ACIN1: variants seen among roughly 807,000 people sequenced by gnomAD.
ACIN1 encodes the protein apoptotic chromatin condensation inducer in the nucleus.
In ACIN1, 16 loss-of-function variants were observed where a neutral mutation model predicts 146.6. The observed-to-expected ratio is 0.11, with a 90% confidence interval of 0.07 to 0.17. The LOEUF is 0.17. Among genes scored for constraint, ACIN1 ranks in the 10% least tolerant of loss-of-function variants. The pLI, the probability that ACIN1 is intolerant of heterozygous loss-of-function variation, is 1.00. For synonymous variants in ACIN1, 569 were observed against 582.7 expected (o/e 0.98, Z 0.34); for missense variants, 1,357 against 1,609.3 (o/e 0.84, Z 2.68).
At chr14:23,065,420 T>C (rs1249957686) in intron 10 of ACIN1, among the ~76,000 whole-genome samples, 4 of 152,300 alleles carry the variant, frequency 2.6e-5, no homozygotes, top group South Asian at 4.1e-4. Flanking sequence ...ACCCCATCTC[T>C]ACTAAAAATA....
At chr14:23,094,661 T>C (rs369268696) in intron 1 of ACIN1, 1 of 779,482 alleles carries the variant, frequency 1.3e-6, no homozygotes, top group Non-Finnish European at 1.8e-6. Context: ...TTTAACTCCT[T>C]CTGCAGCGCA....
intron 8 of ACIN1, among the ~76,000 whole-genome samples, chr14:23,070,383 G>A (rs181899348): frequency 2.6e-5 from 4 of 152,010 alleles, no homozygotes; most frequent in Non-Finnish European, 5.9e-5. Context: ...CCTACATTCG[G>A]CTTTCACCCA....
At chr14:23,063,688 G>T (rs148719036) in intron 12 of ACIN1, 111 bp from the exon 13 acceptor site, 2 of 1,264,650 alleles carry the variant, frequency 1.6e-6, no homozygotes, top group Admixed American at 2.1e-5. Flanking sequence ...TGTTCCTTCC[G>T]CTAGGGGTAT....
At chr14:23,060,049 G>C (rs1594736305) in intron 18 of ACIN1, among the ~76,000 whole-genome samples, 1 of 146,188 alleles carries the variant, frequency 6.8e-6, no homozygotes, top group South Asian at 2.2e-4. Flanking sequence ...TCTCCGACTC[G>C]CAGGTTCAAG....
At position 23,080,124 on chromosome 14, in the gene ACIN1, CTGG is replaced by C; in HGVS notation, c.1208_1210del (p.Thr403del). The C allele has an allele frequency of 6.2e-7, 1 of 1,614,156 alleles. No homozygotes were observed. Among genetic ancestry groups the C allele is most frequent in the Non-Finnish European group, 8.5e-7 (1 of 1,180,028 alleles). On this transcript the variant is annotated inframe_deletion, in exon 6 of 19. Coordinates refer to ENST00000605057, the MANE Select transcript of ACIN1 (RefSeq NM_001386863.1). ...AGTATGCTGAGATACTAATAGCTCC[CTGG>C]TGTCAGCATCTGTATTAGGAGGAGA...
rs2047849592 is a variant in ACIN1, at chr14:23,078,204, G to A, written c.2070C>T (p.Thr690=). 6.2e-7 allele frequency: 1 copy of A among 1,614,164 alleles called. No individual in the cohort carries two copies. Among genetic ancestry groups the A allele is most frequent in the African/African-American group, 1.3e-5 (1 of 75,032 alleles). ...GCAGATGAGAGGTCTGAGTCTCTGA[G>A]GTTTGGGGCTGTGTGGCAGCTGGTG... The part of the protein sequence containing the change: ...AEPPAATQPQ[T]SETQTSHLPE... The change falls in exon 8 of 19, where the codon ACC becomes ACT. Residue 690 remains threonine, a synonymous_variant. Coordinates refer to ENST00000605057, the MANE Select transcript of ACIN1 (RefSeq NM_001386863.1).
At chr14:23,064,609 T>C in intron 10 of ACIN1, 121 bp from the exon 11 acceptor site, 1 of 1,395,330 alleles carries the variant, frequency 7.2e-7, no homozygotes, top group South Asian at 1.3e-5. Flanking sequence ...AAAGAAATCA[T>C]ATTTGGAGGC....
At chr14:23,059,547 T>C (rs1247537479) in intron 18 of ACIN1, 73 bp from the exon 19 acceptor site, 2 of 1,225,268 alleles carry the variant, frequency 1.6e-6, no homozygotes, top group African/African-American at 1.5e-5. Flanking sequence ...GCCTGGACCC[T>C]GCCTCCTAGC....
At chr14:23,077,219 G>C (rs74036909) in intron 8 of ACIN1, among the ~76,000 whole-genome samples, 1,649 of 152,306 alleles carry the variant, frequency 0.011, 23 homozygotes, top group African/African-American at 0.038. Context: ...GAAGCTCTCA[G>C]AAGAGTATAA....
At chr14:23,061,010 C>T in intron 18 of ACIN1, 74 bp downstream of exon 18, 1 of 1,416,468 alleles carries the variant, frequency 7.1e-7, no homozygotes, top group East Asian at 2.3e-5. Flanking sequence ...CTCTCGCAGT[C>T]ACATGAATCT....
In ACIN1 at chr14:23,077,364, G is replaced by A. The variant is rs193093578; in HGVS notation, c.2123+787C>T. 3.9e-5 allele frequency among the ~76,000 whole-genome samples: 6 copies of A among 152,326 alleles called. 1 individual carries two copies. In the East Asian group the frequency reaches 1.2e-3, roughly 29 times the overall value. On this transcript the variant is annotated intron_variant, in intron 8 of 18. Coordinates refer to ENST00000605057, the MANE Select transcript of ACIN1 (RefSeq NM_001386863.1). ...TACAAAGCAGTTCAGGGTTCCTGAT[G>A]TCTAAAAGCTACGCAATCTTATTCC... is the stretch of plus-strand genomic sequence containing the variant.
chr14:23,073,884 G>A (rs962001244), intron 8 of ACIN1, among the ~76,000 whole-genome samples: 3 of 149,314 alleles, frequency 2.0e-5, no homozygotes, highest in Non-Finnish European at 3.0e-5. Context: ...TGTTGCCCAG[G>A]CTGGAGTGCA....
At chr14:23,059,624 A>G in intron 18 of ACIN1, 150 bp from the exon 19 acceptor site, 1 of 643,104 alleles carries the variant, frequency 1.6e-6, no homozygotes, top group Non-Finnish European at 2.8e-6. Flanking sequence ...TGTCTTTCTT[A>G]GAGCACCTCT....
At chr14:23,086,069 A>T (rs2048083621) in intron 4 of ACIN1, among the ~76,000 whole-genome samples, 1 of 152,250 alleles carries the variant, frequency 6.6e-6, no homozygotes, top group African/African-American at 2.4e-5. Flanking sequence ...AGGAAGCCAG[A>T]GATCGAAGAA....
chr14:23,076,790 C>G (rs2047813269), intron 8 of ACIN1, among the ~76,000 whole-genome samples: 1 of 152,132 alleles, frequency 6.6e-6, no homozygotes, highest in South Asian at 2.1e-4. Flanking sequence ...AGGAGGGGGG[C>G]AGGTATTATG....
chr14:23,094,165 G>A (rs2048304985), intron 1 of ACIN1, among the ~76,000 whole-genome samples: 2 of 145,984 alleles, frequency 1.4e-5, no homozygotes, highest in Non-Finnish European at 3.1e-5. Flanking sequence ...TATAAGCAAC[G>A]GTCTGCCAAC....
intron 3 of ACIN1, 145 bp from the exon 4 acceptor site, chr14:23,090,246 C>A (rs1594787567): frequency 2.6e-6 from 3 of 1,153,230 alleles, no homozygotes; most frequent in East Asian, 5.1e-5. Flanking sequence ...AAAAAACTCC[C>A]TGGGATTCAG....
chr14:23,067,319 A>G lies in ACIN1; in HGVS notation c.2266-1311T>C. 1 of 985,824 alleles carries G rather than the reference A, an allele frequency of 1.0e-6. No homozygotes were observed. Among genetic ancestry groups the G allele is most frequent in the Non-Finnish European group, 1.2e-6 (1 of 829,928 alleles). 61.1% of individuals were successfully genotyped at this position (985,824 alleles called of 1,614,324 possible). On this transcript the variant is annotated intron_variant, in intron 9 of 18. Coordinates refer to ENST00000605057, the MANE Select transcript of ACIN1 (RefSeq NM_001386863.1). The surrounding 1 kb of genome is among the most constrained non-coding windows in gnomAD (Gnocchi z 4.6). ...TTCCAGGTACCATCTCACACCTGGG[A>G]TCTTCAGTTCAGCCAATCGCACCTC...
chr14:23,064,348 A>G lies in ACIN1; in HGVS notation c.2442+7T>C, dbSNP rs1207879314. ...CATCCTCCCTTCCCTGGCTCCTCCCACCTCACCTTTAGTGATTCAGTGGTG... is the reference window on the plus strand; with the variant it reads ...CATCCTCCCTTCCCTGGCTCCTCCCGCCTCACCTTTAGTGATTCAGTGGTG... On this transcript the variant is annotated splice_region_variant and intron_variant, in intron 11 of 18. Transcript: ENST00000605057. 1.2e-6 allele frequency: 2 copies of G among 1,613,884 alleles called. No individual in the cohort carries two copies. The highest frequency in any genetic ancestry group is 1.7e-6 in the Non-Finnish European group (2 of 1,179,998).
Sources: allele counts gnomAD v4.1 joint callset (sites outside exome capture counted in the v4.1 genomes callset), GRCh38; gene constraint gnomAD v4.1.1; non-coding constraint Gnocchi (gnomAD v3.1); transcripts MANE v1.5; gene names NCBI Gene and HGNC (gene_info 2026-07-23, HGNC 2026-07-21).